The following PDE4D variants were observed in gnomAD, a reference collection of about 807,000 sequenced individuals.
PDE4D encodes 3',5'-cyclic-AMP phosphodiesterase 4D.
Under a neutral mutation model 87.4 loss-of-function variants are expected in PDE4D, and 24 were observed. That is an observed-to-expected ratio of 0.27 (90% CI 0.20 to 0.39). PDE4D has a LOEUF of 0.39. Among genes scored for constraint, PDE4D ranks in the 10% least tolerant of loss-of-function variants. PDE4D has a pLI of 1.00. For synonymous variants in PDE4D, 384 were observed against 383.2 expected (o/e 1.00, Z -0.02); for missense variants, 714 against 1,041.0 (o/e 0.69, Z 4.32).
At chr5:60,107,922 A>G (rs1229329645) in intron 2 of PDE4D, among the ~76,000 whole-genome samples, 3 of 152,098 alleles carry the variant, frequency 2.0e-5, no homozygotes, top group Non-Finnish European at 4.4e-5. Flanking sequence ...GGCAAAAACT[A>G]GAATCATTCC....
At chr5:60,057,777 T>C (rs1770937959) in intron 2 of PDE4D, among the ~76,000 whole-genome samples, 1 of 152,020 alleles carries the variant, frequency 6.6e-6, no homozygotes, top group Non-Finnish European at 1.5e-5. Context: ...TAGGTACTTA[T>C]GACCAAAGCC....
chr5:60,028,308 T>G lies in PDE4D; in HGVS notation c.43-39591A>C, dbSNP rs115857200. Among the ~76,000 whole-genome samples, 1,116 of 152,296 alleles carry G rather than the reference T, an allele frequency of 7.3e-3. 12 individuals carry two copies. Among genetic ancestry groups the G allele is most frequent in the African/African-American group, 0.026 (1,070 of 41,546 alleles). ...TATTTTCCTTTCACACTGGATACAA[T>G]GTACATTATTTGAGTAATGGGTGCC... On this transcript the variant is annotated intron_variant, in intron 2 of 16. Transcript: ENST00000502484.
intron 1 of PDE4D, among the ~76,000 whole-genome samples, chr5:59,534,352 T>G (rs761443572): frequency 1.3e-5 from 2 of 152,196 alleles, no homozygotes; most frequent in African/African-American, 2.4e-5. Flanking sequence ...AAACATATTG[T>G]ATGGTCTATA....
chr5:59,719,922 G>A (rs968064490), intron 1 of PDE4D, among the ~76,000 whole-genome samples: 4 of 152,040 alleles, frequency 2.6e-5, no homozygotes, highest in African/African-American at 9.7e-5. Context: ...TTCAAACTCT[G>A]CTATTTCTCA....
At chr5:60,517,872 A>T (rs1750870362) in intron 1 of PDE4D, among the ~76,000 whole-genome samples, 1 of 152,254 alleles carries the variant, frequency 6.6e-6, no homozygotes, top group Non-Finnish European at 1.5e-5. Context: ...ACAGGGCTGA[A>T]ACACACCCCT....
chr5:59,085,554 A>G (rs572323594), intron 5 of PDE4D, among the ~76,000 whole-genome samples: 15 of 152,322 alleles, frequency 9.8e-5, no homozygotes, highest in Admixed American at 9.8e-4. Context: ...GCAAACAACT[A>G]CCCTCTTGAG....
chr5:59,964,869 G>A (rs565955922), intron 3 of PDE4D, among the ~76,000 whole-genome samples: 36 of 152,092 alleles, frequency 2.4e-4, no homozygotes, highest in Middle Eastern at 3.4e-3. Flanking sequence ...TGTGTACCTC[G>A]TCAGCCTCAT....
intron 1 of PDE4D, among the ~76,000 whole-genome samples, chr5:59,602,033 C>A (rs1827581424): frequency 6.6e-6 from 1 of 151,880 alleles, no homozygotes; most frequent in Admixed American, 6.6e-5. Flanking sequence ...AACAAACTAG[C>A]CAACTGAATT....
intron 1 of PDE4D, among the ~76,000 whole-genome samples, chr5:59,521,797 CTGTTA>C (rs1812295406): frequency 6.6e-6 from 1 of 152,154 alleles, no homozygotes; most frequent in African/African-American, 2.4e-5. Context: ...TTCCACCTGT[CTGTTA>C]TAATATTTGA....
At chr5:59,310,506 G>A (rs1045256679) in intron 1 of PDE4D, among the ~76,000 whole-genome samples, 1 of 152,128 alleles carries the variant, frequency 6.6e-6, no homozygotes, top group East Asian at 1.9e-4. Flanking sequence ...GGTCCATTAA[G>A]AGCAACTCCT....
intron 1 of PDE4D, among the ~76,000 whole-genome samples, chr5:59,623,512 T>C (rs1380176214): frequency 6.6e-6 from 1 of 152,172 alleles, no homozygotes. Flanking sequence ...TTCTGTTCCA[T>C]CTCCGAGGCT....
At chr5:59,774,518 A>T (rs530125067) in intron 1 of PDE4D, among the ~76,000 whole-genome samples, 7 of 151,316 alleles carry the variant, frequency 4.6e-5, no homozygotes, top group African/African-American at 1.7e-4. Context: ...CTCTTCTAAG[A>T]TCAATTCATT....
At chr5:59,548,007 A>T (rs1265722784) in intron 1 of PDE4D, among the ~76,000 whole-genome samples, 2 of 152,196 alleles carry the variant, frequency 1.3e-5, no homozygotes, top group East Asian at 3.9e-4. Context: ...TTGCTACCAC[A>T]TAGAGAAAGT....
chr5:59,879,585 C>T (rs898433897), intron 1 of PDE4D, among the ~76,000 whole-genome samples: 2 of 152,184 alleles, frequency 1.3e-5, no homozygotes, highest in African/African-American at 4.8e-5. Context: ...ATTTATTTTT[C>T]ATAGGCAGAT....
intron 1 of PDE4D, among the ~76,000 whole-genome samples, chr5:59,271,874 A>G (rs1763900808): frequency 6.6e-6 from 1 of 151,838 alleles, no homozygotes; most frequent in African/African-American, 2.4e-5. Context: ...AAATACAGTG[A>G]AGAAAAGAGA....
At chr5:60,126,932 T>C (rs1339946684) in intron 2 of PDE4D, among the ~76,000 whole-genome samples, 2 of 152,208 alleles carry the variant, frequency 1.3e-5, no homozygotes, top group African/African-American at 4.8e-5. Flanking sequence ...CATTTACTCA[T>C]ATCTGATAAG....
At chr5:60,047,332 TA>T (rs1341867246) in intron 2 of PDE4D, among the ~76,000 whole-genome samples, 8 of 152,202 alleles carry the variant, frequency 5.3e-5, no homozygotes, top group Non-Finnish European at 7.3e-5. Flanking sequence ...CTGGATTCAT[TA>T]ATTTTTTGAA....
chr5:60,276,400 C>T lies in PDE4D; in HGVS notation c.-89-90713G>A, dbSNP rs113661824. Among the ~76,000 whole-genome samples the T allele has an allele frequency of 4.6e-5, 7 of 152,302 alleles. 1 individual carries two copies. Among genetic ancestry groups the T allele is most frequent in the African/African-American group, 1.7e-4 (7 of 41,572 alleles). ...ACTTGCCTAAAGCTGACTCCTTACA[C>T]ATTTTAAGTTAGGCCTGATGGTTTA... is the stretch of plus-strand genomic sequence containing the variant. On this transcript the variant is annotated intron_variant, in intron 1 of 16. Coordinates refer to the PDE4D transcript ENST00000502484.
intron 1 of PDE4D, among the ~76,000 whole-genome samples, chr5:60,332,160 C>T (rs1046421524): frequency 1.3e-5 from 2 of 152,146 alleles, no homozygotes; most frequent in African/African-American, 4.8e-5. Flanking sequence ...AAGCCTAAGT[C>T]CAAACATTGA....
Sources: allele counts gnomAD v4.1 joint callset (sites outside exome capture counted in the v4.1 genomes callset), GRCh38; gene constraint gnomAD v4.1.1; transcripts MANE v1.5; gene names NCBI Gene and HGNC (gene_info 2026-07-23, HGNC 2026-07-21).